Variants in NEGR1 observed in about 807,000 individuals in gnomAD.
NEGR1 encodes the protein IgLON family member 4.
NEGR1 carries 10 observed loss-of-function variants against 40.9 expected under a neutral mutation model. The ratio of observed to expected loss-of-function variants is 0.24; its 90% CI spans 0.15 to 0.42. NEGR1 has a LOEUF of 0.42. NEGR1 is among the 10% of genes least tolerant of loss of function. The pLI is 1.00. For missense variants in NEGR1, 352 were observed against 438.9 expected (o/e 0.80, Z 1.77); for synonymous variants, 185 against 166.8 (o/e 1.11, Z -0.84).
intron 5 of NEGR1, 46 bp from the exon 6 acceptor site, chr1:71,593,014 A>T (rs1469320172): frequency 1.4e-6 from 2 of 1,438,904 alleles, no homozygotes. Flanking sequence ...TGTGAATACC[A>T]GTTTCATTTT....
intron 1 of NEGR1, among the ~76,000 whole-genome samples, chr1:72,281,013 G>A (rs918334000): frequency 2.0e-5 from 3 of 152,142 alleles, no homozygotes; most frequent in Admixed American, 6.5e-5. Flanking sequence ...AAGCTTTGCT[G>A]ATCATCCATT....
intron 1 of NEGR1, among the ~76,000 whole-genome samples, chr1:71,988,923 TAAAAAAAAAAAAA>T (rs10604833): frequency 4.9e-5 from 4 of 82,258 alleles, no homozygotes; most frequent in South Asian, 4.0e-4. Context: ...TATTGGATGT[TAAAAAAAAAAAAA>T]AAAAAAAAAA....
chr1:71,557,566 C>A (rs1476394009), intron 6 of NEGR1, among the ~76,000 whole-genome samples: 1 of 151,544 alleles, frequency 6.6e-6, no homozygotes, highest in Non-Finnish European at 1.5e-5. Flanking sequence ...AAGACAAATT[C>A]CTTATCTCAA....
chr1:71,834,809 G>T (rs1658961943), intron 2 of NEGR1, among the ~76,000 whole-genome samples: 2 of 151,378 alleles, frequency 1.3e-5, no homozygotes, highest in Admixed American at 1.3e-4. Flanking sequence ...GCCTTGCTAT[G>T]TTACAATAAC....
chr1:72,026,226 G>T (rs1423833401), intron 1 of NEGR1, among the ~76,000 whole-genome samples: 4 of 150,254 alleles, frequency 2.7e-5, no homozygotes, highest in African/African-American at 9.8e-5. Context: ...CATCTCAACT[G>T]ATTTACTGTT....
chr1:72,099,065 T>A (rs948741835), intron 1 of NEGR1, among the ~76,000 whole-genome samples: 2 of 152,060 alleles, frequency 1.3e-5, no homozygotes, highest in East Asian at 3.9e-4. Flanking sequence ...AATTATATAA[T>A]CAAATTTTAT....
chr1:72,017,162 C>T (rs552974109), intron 1 of NEGR1, among the ~76,000 whole-genome samples: 1 of 144,488 alleles, frequency 6.9e-6, no homozygotes, highest in African/African-American at 2.7e-5. Flanking sequence ...GTGTGTAAAC[C>T]AAAGGGAGCT....
At chr1:71,904,129 A>G (rs1393291363) in intron 2 of NEGR1, among the ~76,000 whole-genome samples, 1 of 151,996 alleles carries the variant, frequency 6.6e-6, no homozygotes, top group Non-Finnish European at 1.5e-5. Context: ...GCCTCAGGAA[A>G]CAAAAGCAGT....
At chr1:71,611,781 C>T (rs377077225) in intron 4 of NEGR1, among the ~76,000 whole-genome samples, 16 of 152,236 alleles carry the variant, frequency 1.1e-4, no homozygotes, top group Admixed American at 8.5e-4. Flanking sequence ...GCCCGAATGC[C>T]GTTGTTCCCC....
intron 6 of NEGR1, among the ~76,000 whole-genome samples, chr1:71,491,053 A>G (rs908625550): frequency 2.6e-5 from 4 of 151,982 alleles, no homozygotes; most frequent in Admixed American, 6.6e-5. Flanking sequence ...AAAAAATTCA[A>G]TTGGCCCTTC....
At chr1:72,098,545 A>G (rs1465284831) in intron 1 of NEGR1, among the ~76,000 whole-genome samples, 1 of 152,108 alleles carries the variant, frequency 6.6e-6, no homozygotes, top group African/African-American at 2.4e-5. Context: ...ATACAAAACT[A>G]TTATGTCATA....
At chr1:71,876,415 T>A (rs1660432282) in intron 2 of NEGR1, among the ~76,000 whole-genome samples, 1 of 151,784 alleles carries the variant, frequency 6.6e-6, no homozygotes, top group Non-Finnish European at 1.5e-5. Flanking sequence ...ATCTAGGGGC[T>A]CAGTCAGGAG....
chr1:71,423,775 T>G (rs1238475591), intron 6 of NEGR1, among the ~76,000 whole-genome samples: 5 of 151,894 alleles, frequency 3.3e-5, no homozygotes, highest in African/African-American at 4.8e-5. Context: ...TGTTAATCTC[T>G]TCATTTAATT....
intron 1 of NEGR1, among the ~76,000 whole-genome samples, chr1:72,266,703 GTA>G (rs908642778): frequency 1.1e-4 from 14 of 132,720 alleles, no homozygotes; most frequent in Non-Finnish European, 2.1e-4. Flanking sequence ...AAGTGTGTGT[GTA>G]TATATATATA....
chr1:71,872,931 G>A (rs1228778357), intron 2 of NEGR1, among the ~76,000 whole-genome samples: 1 of 151,756 alleles, frequency 6.6e-6, no homozygotes, highest in Non-Finnish European at 1.5e-5. Flanking sequence ...TTTTCCTACT[G>A]AAAATGGCAT....
At chr1:71,488,348 A>G (rs1032789265) in intron 6 of NEGR1, among the ~76,000 whole-genome samples, 10 of 151,874 alleles carry the variant, frequency 6.6e-5, no homozygotes, top group African/African-American at 2.4e-4. Flanking sequence ...TAGCCTAGAT[A>G]GAGCCTGTTA....
chr1:72,172,308 G>T (rs1345176027), intron 1 of NEGR1, among the ~76,000 whole-genome samples: 6 of 151,928 alleles, frequency 3.9e-5, no homozygotes, highest in Admixed American at 1.3e-4. Context: ...ACCATTGTTG[G>T]CAGCTACTTC....
chr1:72,149,441 G>A (rs1001071325), intron 1 of NEGR1, among the ~76,000 whole-genome samples: 1 of 152,040 alleles, frequency 6.6e-6, no homozygotes, highest in Non-Finnish European at 1.5e-5. Flanking sequence ...AGACGAAGAA[G>A]CTTCTTAAAA....
rs565659105 is a variant in NEGR1, at chr1:71,459,026, C to A, written c.941-51456G>T. Reference sequence around the variant, plus strand: ...GCTTCAAGTTCTTTATCAGTTCTGGCCATTAAATAAATAAATAAAATAATA... The same window carrying A: ...GCTTCAAGTTCTTTATCAGTTCTGGACATTAAATAAATAAATAAAATAATA... On this transcript the variant is annotated intron_variant, in intron 6 of 6. Coordinates refer to ENST00000357731, the MANE Select transcript of NEGR1 (RefSeq NM_173808.3). 7.9e-5 allele frequency among the ~76,000 whole-genome samples: 12 copies of A among 151,962 alleles called. No individual in the cohort carries two copies. The South Asian group carries it at 2.3e-3, about 29-fold the overall frequency.
Sources: gnomAD v4.1 joint callset for allele counts (sites outside exome capture counted in the v4.1 genomes callset) on GRCh38, gnomAD v4.1.1 for gene constraint, MANE v1.5 for transcripts, NCBI Gene and HGNC (gene_info 2026-07-23, HGNC 2026-07-21) for gene names.